The following NPAS3 variants were observed in gnomAD, a reference collection of about 807,000 sequenced individuals.
NPAS3 encodes the protein neuronal PAS domain-containing protein 3.
Under a neutral mutation model 73.1 loss-of-function variants are expected in NPAS3, and 14 were observed. The observed-to-expected ratio is 0.19, with a 90% CI of 0.13 to 0.30. The LOEUF (loss-of-function observed/expected upper bound fraction) is 0.30, where lower values mean the gene tolerates loss of function less well. Among genes scored for constraint, NPAS3 ranks in the 10% least tolerant of loss-of-function variants. The pLI is 1.00. For synonymous variants in NPAS3, 620 were observed against 541.5 expected (o/e 1.14, Z -2.01); for missense variants, 1,096 against 1,250.0 (o/e 0.88, Z 1.86).
intron 1 of NPAS3, among the ~76,000 whole-genome samples, chr14:33,036,986 TATC>T (rs1297077747): frequency 6.6e-6 from 1 of 152,176 alleles, no homozygotes; most frequent in African/African-American, 2.4e-5. Context: ...AATTCTGACT[TATC>T]ATCCTCTTAT....
At chr14:33,639,432 G>A (rs551909038) in intron 5 of NPAS3, among the ~76,000 whole-genome samples, 55 of 152,272 alleles carry the variant, frequency 3.6e-4, no homozygotes, top group Non-Finnish European at 6.5e-4. Flanking sequence ...ATTTTATAAA[G>A]TTATAATGTA....
intron 4 of NPAS3, among the ~76,000 whole-genome samples, chr14:33,509,512 C>T (rs965441087): frequency 6.6e-6 from 1 of 151,996 alleles, no homozygotes; most frequent in Non-Finnish European, 1.5e-5. Flanking sequence ...CTAGTTCTTT[C>T]TTGTACAAAT....
chr14:33,330,380 T>G (rs2043929051), intron 3 of NPAS3, among the ~76,000 whole-genome samples: 1 of 152,192 alleles, frequency 6.6e-6, no homozygotes, highest in Non-Finnish European at 1.5e-5. Flanking sequence ...CCAGATTCAT[T>G]TTAGTGCACT....
At chr14:33,186,440 G>C (rs1007585357) in intron 2 of NPAS3, among the ~76,000 whole-genome samples, 12 of 152,156 alleles carry the variant, frequency 7.9e-5, no homozygotes, top group Non-Finnish European at 8.8e-5. Context: ...TATCGTCTCT[G>C]TGCTGGTGAC....
At chr14:32,996,381 G>C (rs1222441691) in intron 1 of NPAS3, among the ~76,000 whole-genome samples, 1 of 152,202 alleles carries the variant, frequency 6.6e-6, no homozygotes, top group Non-Finnish European at 1.5e-5. Context: ...GCAGAAATTT[G>C]CATAAATAAC....
intron 1 of NPAS3, among the ~76,000 whole-genome samples, chr14:33,051,530 C>A (rs2138498765): frequency 6.6e-6 from 1 of 151,788 alleles, no homozygotes; most frequent in African/African-American, 2.4e-5. Flanking sequence ...CTTTACAGGG[C>A]AAAAAATTTT....
intron 7 of NPAS3, among the ~76,000 whole-genome samples, chr14:33,765,481 A>AGTGCAGCCCACTGTG (rs1448548929): frequency 1.3e-5 from 2 of 152,060 alleles, no homozygotes; most frequent in African/African-American, 4.8e-5. Context: ...ACAGCACTAC[A>AGTGCAGCCCACTGTG]GTGCAGCCCA....
At chr14:33,068,890 A>G (rs1232442264) in intron 2 of NPAS3, among the ~76,000 whole-genome samples, 6 of 152,122 alleles carry the variant, frequency 3.9e-5, no homozygotes, top group Admixed American at 3.3e-4. Flanking sequence ...GGGCTGAATG[A>G]GCAAGGAGGA....
intron 3 of NPAS3, among the ~76,000 whole-genome samples, chr14:33,314,441 G>A (rs150798751): frequency 1.4e-4 from 21 of 152,160 alleles, no homozygotes; most frequent in African/African-American, 4.1e-4. Flanking sequence ...AATGAGGATA[G>A]TAGTGTCTAT....
chr14:33,662,561 T>C (rs1226966893), intron 5 of NPAS3, among the ~76,000 whole-genome samples: 2 of 152,224 alleles, frequency 1.3e-5, no homozygotes, highest in Non-Finnish European at 2.9e-5. Context: ...TTTCACGATA[T>C]TGATTCTTCC....
chr14:32,991,493 C>T (rs1343106898), intron 1 of NPAS3, among the ~76,000 whole-genome samples: 1 of 152,162 alleles, frequency 6.6e-6, no homozygotes, highest in East Asian at 1.9e-4. Flanking sequence ...CTGGATCTCT[C>T]ATTTATATCC....
At chr14:33,763,095 C>A (rs1230522078) in intron 7 of NPAS3, among the ~76,000 whole-genome samples, 1 of 152,190 alleles carries the variant, frequency 6.6e-6, no homozygotes, top group Non-Finnish European at 1.5e-5. Context: ...TTTCACCTGA[C>A]CAGACCTCAG....
intron 3 of NPAS3, among the ~76,000 whole-genome samples, chr14:33,322,537 G>T (rs574150599): frequency 6.6e-6 from 1 of 151,270 alleles, no homozygotes. Flanking sequence ...TGTGTGTGAA[G>T]GTAAACATTG....
At chr14:33,551,448 A>G (rs954815781) in intron 4 of NPAS3, among the ~76,000 whole-genome samples, 11 of 152,248 alleles carry the variant, frequency 7.2e-5, no homozygotes, top group African/African-American at 1.4e-4. Flanking sequence ...TAACAGAAGC[A>G]CTGTGGGTTT....
intron 3 of NPAS3, among the ~76,000 whole-genome samples, chr14:33,304,064 C>T (rs1470910835): frequency 2.6e-5 from 4 of 152,270 alleles, no homozygotes; most frequent in Admixed American, 2.0e-4. Flanking sequence ...CCCGCAACCA[C>T]GCCCGACCAA....
chr14:33,351,092 A>G (rs2045025419), intron 3 of NPAS3, among the ~76,000 whole-genome samples: 1 of 152,224 alleles, frequency 6.6e-6, no homozygotes, highest in East Asian at 1.9e-4. Flanking sequence ...AGGCTTTGTT[A>G]AAAGCCTCTG....
At chr14:32,955,757 T>C (rs766386250) in intron 1 of NPAS3, among the ~76,000 whole-genome samples, 1 of 152,114 alleles carries the variant, frequency 6.6e-6, no homozygotes, top group Non-Finnish European at 1.5e-5. Context: ...GATATTTACA[T>C]TTCATCCCAG....
chr14:33,573,651 G>A (rs1487211260), intron 5 of NPAS3, among the ~76,000 whole-genome samples: 1 of 152,204 alleles, frequency 6.6e-6, no homozygotes, highest in Non-Finnish European at 1.5e-5. Context: ...TGGAAAGTTA[G>A]GACTTGGCCA....
chr14:32,957,002 A>G (rs1312874520), intron 1 of NPAS3, among the ~76,000 whole-genome samples: 2 of 152,172 alleles, frequency 1.3e-5, no homozygotes, highest in East Asian at 1.9e-4. Context: ...CAATATAACC[A>G]TGAATGGCTA....
Sources: allele counts gnomAD v4.1 joint callset (sites outside exome capture counted in the v4.1 genomes callset), GRCh38; gene constraint gnomAD v4.1.1; transcripts MANE v1.5; gene names NCBI Gene and HGNC (gene_info 2026-07-23, HGNC 2026-07-21).